Variants in BIN2 observed in about 807,000 individuals in gnomAD.
BIN2 encodes the protein bridging integrator 2.
Under a neutral mutation model 67.9 loss-of-function variants are expected in BIN2, and 43 were observed. The ratio of observed to expected loss-of-function variants is 0.63; its 90% CI spans 0.50 to 0.82. The LOEUF is 0.82. Ranked by LOEUF, BIN2 falls within the 40% of genes least tolerant of loss-of-function variation. The pLI is 0.00. For missense variants in BIN2, 581 were observed against 671.6 expected, an observed-to-expected ratio of 0.87 and a Z score of 1.49; for synonymous variants, 244 against 246.8, an observed-to-expected ratio of 0.99 and a Z score of 0.11.
At position 51,294,491 on chromosome 12, in the gene BIN2, C is replaced by T. The variant is rs576648771; in HGVS notation, c.761+1305G>A. Among the ~76,000 whole-genome samples, 4 of 150,972 alleles carry T rather than the reference C, an allele frequency of 2.6e-5. No individual in the cohort carries two copies. In the East Asian group the frequency reaches 5.9e-4, roughly 22 times the overall value. On this transcript the variant is annotated intron_variant, in intron 9 of 12. Transcript: ENST00000615107. ...CTGAGGCAGGAGAATTGCTTGAACCCGGGAAGCAGAGGTTGCAGTAAGCCA... is the reference window on the plus strand; with the variant it reads ...CTGAGGCAGGAGAATTGCTTGAACCTGGGAAGCAGAGGTTGCAGTAAGCCA...
rs760996900 is a variant in BIN2, at chr12:51,291,961, G to A, written c.1145C>T (p.Ser382Leu). ...TCGGAGGACTACTTCTGTGGCAGATGATGAAGGCTGCCCTGAAGGGCTCAG... is the reference window on the plus strand; with the variant it reads ...TCGGAGGACTACTTCTGTGGCAGATAATGAAGGCTGCCCTGAAGGGCTCAG... ...GALSPSGQPS[S>L]SATEVVLRTR... The change falls in exon 10 of 13, where the codon TCA (serine) becomes TTA (leucine). Residue 382 changes from serine to leucine, a missense_variant. Physicochemically the swap from Ser to Leu is moderately radical, Grantham distance 145. Coordinates refer to ENST00000615107, the MANE Select transcript of BIN2 (RefSeq NM_016293.4). 18 of 1,614,104 alleles carry A rather than the reference G, an allele frequency of 1.1e-5. No individual in the cohort carries two copies. The highest frequency in any genetic ancestry group is 6.7e-5 in the Admixed American group (4 of 60,006).
At chr12:51,296,548 T>C (rs921167578) in intron 8 of BIN2, among the ~76,000 whole-genome samples, 5 of 151,822 alleles carry the variant, frequency 3.3e-5, no homozygotes, top group Non-Finnish European at 7.4e-5. Flanking sequence ...AGGCAAATCA[T>C]ACTTTAGCCA....
In BIN2 at chr12:51,299,119, A is replaced by T. The variant is rs935929857; in HGVS notation, c.602+84T>A. Reference sequence around the variant, plus strand: ...CGGGGCAGTGTGGGAATTTAAATCTAAAACACTTTTATCTACTTACTGTCA... The same window carrying T: ...CGGGGCAGTGTGGGAATTTAAATCTTAAACACTTTTATCTACTTACTGTCA... On this transcript the variant is annotated intron_variant, in intron 7 of 12. Coordinates refer to ENST00000615107, the MANE Select transcript of BIN2 (RefSeq NM_016293.4). 5.9e-6 allele frequency: 6 copies of T among 1,020,304 alleles called. No homozygotes were observed. In the Admixed American group the frequency reaches 1.0e-4, roughly 18 times the overall value. The allele number at this position is 1,020,304 out of a possible 1,614,324, so 63.2% of individuals were successfully genotyped here.
intron 1 of BIN2, among the ~76,000 whole-genome samples, chr12:51,318,036 G>A (rs950860460): frequency 3.3e-5 from 5 of 152,150 alleles, no homozygotes; most frequent in African/African-American, 1.2e-4. Flanking sequence ...TATAAAGGGT[G>A]ACAGCAGAAA....
In BIN2 at chr12:51,297,101, C is replaced by G; in HGVS notation, c.666G>C (p.Arg222Ser). ...NISNLRDVFYREMSKLNHNLY... is the reference protein window; with the variant it reads ...NISNLRDVFYSEMSKLNHNLY... Reference sequence around the variant, plus strand: ...AGACACCTCTCACCTTGCTCATTTCCCTGTAGAAGACATCCCTCAAGTTGG... The same window carrying G: ...AGACACCTCTCACCTTGCTCATTTCGCTGTAGAAGACATCCCTCAAGTTGG... The change falls in exon 8 of 13, where the codon AGG becomes AGC. Residue 222 changes from arginine to serine, a missense_variant. Coordinates refer to ENST00000615107, the MANE Select transcript of BIN2 (RefSeq NM_016293.4). The G allele has an allele frequency of 6.2e-7, 1 of 1,613,834 alleles. No homozygotes were observed. Among genetic ancestry groups the G allele is most frequent in the Non-Finnish European group, 8.5e-7 (1 of 1,179,754 alleles).
intron 5 of BIN2, among the ~76,000 whole-genome samples, chr12:51,300,941 C>G (rs1250467871): frequency 6.6e-6 from 1 of 152,198 alleles, no homozygotes; most frequent in Non-Finnish European, 1.5e-5. Context: ...AATACTAGAG[C>G]CGGGTGCAGT....
intron 4 of BIN2, 42 bp from the exon 5 acceptor site, chr12:51,302,157 A>G (rs1321092566): frequency 1.4e-6 from 2 of 1,435,068 alleles, no homozygotes; most frequent in African/African-American, 1.4e-5. Context: ...TCCACTTCCC[A>G]ACAACAACTG....
Position 51,302,134 on chromosome 12 carries a change from G to A in BIN2, c.313-19C>T. ...CATTATTCTGTAGGATAGAGTCAGA[G>A]GCTGGTGAAGGCTCCACTTCCCAAC... On this transcript the variant is annotated intron_variant, in intron 4 of 12. Coordinates refer to ENST00000615107, the MANE Select transcript of BIN2 (RefSeq NM_016293.4). 1 of 1,556,434 alleles carries A rather than the reference G, an allele frequency of 6.4e-7. No individual in the cohort carries two copies. The highest frequency in any genetic ancestry group is 8.9e-7 in the Non-Finnish European group (1 of 1,129,344).
intron 5 of BIN2, 77 bp downstream of exon 5, chr12:51,301,943 T>C: frequency 9.9e-7 from 1 of 1,013,556 alleles, no homozygotes; most frequent in South Asian, 1.4e-5. Flanking sequence ...TAATTCTACT[T>C]ATAATGCTTA....
At chr12:51,324,534 T>G, upstream of BIN2, 2 of 1,530,632 alleles carry the variant, frequency 1.3e-6, no homozygotes, top group Non-Finnish European at 1.7e-6. Context: ...CACGTTTAGG[T>G]TCTCTGAGTA....
chr12:51,291,920 C>T lies in BIN2; in HGVS notation c.1186G>A (p.Glu396Lys). The T allele has an allele frequency of 6.2e-7, 1 of 1,614,126 alleles. No individual in the cohort carries two copies. Among genetic ancestry groups the T allele is most frequent in the African/African-American group, 1.3e-5 (1 of 75,028 alleles). The change falls in exon 10 of 13, where the codon GAA becomes AAA. Residue 396 changes from glutamate (E) to lysine (K), a missense_variant. By Grantham distance (56) the Glu-to-Lys change is moderately conservative. Coordinates refer to ENST00000615107, the MANE Select transcript of BIN2 (RefSeq NM_016293.4). The stretch of plus-strand genomic sequence containing the variant: ...CTCTTCTTTGGTTGTTCAGATCCTT[C>T]ACTTGCGGTGCGGGTTCGGAGGACT... The part of the protein sequence containing the change: ...EVVLRTRTAS[E>K]GSEQPKKRAS...
chr12:51,283,577 C>T (rs995433767), intron 12 of BIN2, among the ~76,000 whole-genome samples: 4 of 152,246 alleles, frequency 2.6e-5, no homozygotes, highest in South Asian at 2.1e-4. Context: ...CCTCCTGCAT[C>T]GCTGGAACTA....
chr12:51,289,237 T>C (rs1945322924), intron 10 of BIN2, among the ~76,000 whole-genome samples: 1 of 152,062 alleles, frequency 6.6e-6, no homozygotes. Flanking sequence ...AAAGTCTTTA[T>C]ATGTAGTTTC....
At chr12:51,297,518 G>T in intron 7 of BIN2, 1 of 173,286 alleles carries the variant, frequency 5.8e-6, no homozygotes, top group Non-Finnish European at 1.2e-5. Context: ...AGTGAGCCGA[G>T]ATCGTGCCAC....
At chr12:51,322,525 G>C (rs755950175) in intron 1 of BIN2, 2 of 152,412 alleles carry the variant, frequency 1.3e-5, no homozygotes, top group Non-Finnish European at 2.9e-5. Flanking sequence ...CCAAAGTGCT[G>C]GGATTACAGG....
chr12:51,295,478 G>A lies in BIN2; in HGVS notation c.761+318C>T, dbSNP rs1312867422. Among the ~76,000 whole-genome samples, 4 of 148,444 alleles carry A rather than the reference G, an allele frequency of 2.7e-5. No individual in the cohort carries two copies. The East Asian group carries it at 7.8e-4, about 29-fold the overall frequency. ...CTCAGGAGGCTGAGGCAGGAGAATGGCATGAACCCGGGAGGCGGAGCTTGC... is the reference window on the plus strand; with the variant it reads ...CTCAGGAGGCTGAGGCAGGAGAATGACATGAACCCGGGAGGCGGAGCTTGC... On this transcript the variant is annotated intron_variant, in intron 9 of 12. Coordinates refer to ENST00000615107, the MANE Select transcript of BIN2 (RefSeq NM_016293.4).
At chr12:51,288,213 GGA>G in intron 10 of BIN2, 25 bp from the exon 11 acceptor site, 1 of 1,599,508 alleles carries the variant, frequency 6.3e-7, no homozygotes, top group Non-Finnish European at 8.6e-7. Context: ...GAACAATGGA[GGA>G]GAGAGTCCCA....
At chr12:51,297,943 CTG>C (rs1231200363) in intron 7 of BIN2, among the ~76,000 whole-genome samples, 1 of 152,128 alleles carries the variant, frequency 6.6e-6, no homozygotes, top group Non-Finnish European at 1.5e-5. Context: ...TTTAAAGAAA[CTG>C]TATTAAATTT....
chr12:51,324,582 C>G, upstream of BIN2: 1 of 1,482,806 alleles, frequency 6.7e-7, no homozygotes, highest in Non-Finnish European at 8.9e-7. Context: ...GTTTCTTGCT[C>G]CAGGTAGGCT....
Sources: allele counts gnomAD v4.1 joint callset (sites outside exome capture counted in the v4.1 genomes callset), GRCh38; gene constraint gnomAD v4.1.1; transcripts MANE v1.5; gene names NCBI Gene and HGNC (gene_info 2026-07-23, HGNC 2026-07-21).